The following RAB3C variants were observed in gnomAD, a reference collection of about 807,000 sequenced individuals.
RAB3C encodes the protein RAB3C, member RAS oncogene family.
A neutral mutation model predicts 26.4 loss-of-function variants in RAB3C; 17 were observed. The observed-to-expected ratio is 0.64, with a 90% CI of 0.44 to 0.97. The LOEUF (loss-of-function observed/expected upper bound fraction) is 0.97. RAB3C is among the 50% of genes least tolerant of loss of function. The probability of loss-of-function intolerance (pLI) is 0.00; values close to 1 mark genes in which losing one functional copy is unlikely to be tolerated. For synonymous variants in RAB3C, 91 were observed against 95.9 expected, an observed-to-expected ratio of 0.95 and a Z score of 0.30; for missense variants, 242 against 281.9, an observed-to-expected ratio of 0.86 and a Z score of 1.01.
At chr5:58,839,025 G>A (rs1743815206) in intron 4 of RAB3C, among the ~76,000 whole-genome samples, 1 of 150,982 alleles carries the variant, frequency 6.6e-6, no homozygotes, top group African/African-American at 2.4e-5. Flanking sequence ...AGCTATCCCT[G>A]CTTACTTTTG....
At chr5:58,652,440 G>A (rs902837778) in intron 2 of RAB3C, among the ~76,000 whole-genome samples, 6 of 151,438 alleles carry the variant, frequency 4.0e-5, no homozygotes, top group Non-Finnish European at 5.9e-5. Context: ...TTCTTAAAAT[G>A]TAATGAGTTA....
In RAB3C at chr5:58,845,612, A is replaced by ATATATATATATATATATATGTGTG; in HGVS notation, c.497-5551_497-5550insATATATATATATATATATGTGTGT. Among the ~76,000 whole-genome samples, 340 of 81,616 alleles carry ATATATATATATATATATATGTGTG rather than the reference A, an allele frequency of 4.2e-3. 7 individuals are homozygous for ATATATATATATATATATATGTGTG. The highest frequency in any genetic ancestry group is 0.017 in the African/African-American group (289 of 17,134). 53.5% of individuals were successfully genotyped at this position (81,616 alleles called of 152,430 possible). A position where few individuals can be genotyped will look rare whatever the true frequency, so the allele number is the denominator to read the frequency against. On this transcript the variant is annotated intron_variant, in intron 4 of 4. Coordinates refer to ENST00000282878, the MANE Select transcript of RAB3C (RefSeq NM_138453.4). ...ATTCTTACTATATATATATATATATATGTGTGTGTGTGTGTGTGTATATGT... is the reference window on the plus strand; with the variant it reads ...ATTCTTACTATATATATATATATATATATATATATATATATATATGTGTGTGTGTGTGTGTGTGTGTGTATATGT...
chr5:58,711,990 T>G (rs1749070538), intron 2 of RAB3C, among the ~76,000 whole-genome samples: 1 of 152,154 alleles, frequency 6.6e-6, no homozygotes, highest in South Asian at 2.1e-4. Context: ...TGGTAGAAAA[T>G]GCACAAAAGA....
intron 2 of RAB3C, among the ~76,000 whole-genome samples, chr5:58,628,156 CAAAAAAAA>C: frequency 1.4e-5 from 1 of 71,466 alleles, no homozygotes; most frequent in East Asian, 5.2e-4. Flanking sequence ...GACTCCGTCT[CAAAAAAAA>C]AAAAAAAAAA....
intron 3 of RAB3C, among the ~76,000 whole-genome samples, chr5:58,794,758 A>G (rs578146363): frequency 6.6e-6 from 1 of 152,346 alleles, no homozygotes; most frequent in African/African-American, 2.4e-5. Context: ...AGTGAGGCGC[A>G]GAGGAGTTCA....
At chr5:58,729,810 C>T (rs1349876068) in intron 3 of RAB3C, among the ~76,000 whole-genome samples, 1 of 144,002 alleles carries the variant, frequency 6.9e-6, no homozygotes, top group African/African-American at 2.5e-5. Flanking sequence ...TACACATATA[C>T]ATATACTATA....
At chr5:58,594,764 T>G (rs1746212068) in intron 1 of RAB3C, among the ~76,000 whole-genome samples, 1 of 151,998 alleles carries the variant, frequency 6.6e-6, no homozygotes, top group Non-Finnish European at 1.5e-5. Context: ...TTTAATGTTT[T>G]GATATTTTTT....
intron 4 of RAB3C, among the ~76,000 whole-genome samples, chr5:58,829,020 C>T (rs1426119338): frequency 6.6e-6 from 1 of 151,216 alleles, no homozygotes; most frequent in Non-Finnish European, 1.5e-5. Context: ...TCTCCTGCCT[C>T]AGCCTCCCAA....
intron 2 of RAB3C, among the ~76,000 whole-genome samples, chr5:58,694,382 C>T (rs1222830682): frequency 3.9e-5 from 6 of 151,992 alleles, no homozygotes; most frequent in Admixed American, 1.3e-4. Flanking sequence ...TGAATAGTGC[C>T]GCAATAAACA....
intron 2 of RAB3C, among the ~76,000 whole-genome samples, chr5:58,706,632 AT>A (rs2111888533): frequency 6.6e-6 from 1 of 152,158 alleles, no homozygotes; most frequent in African/African-American, 2.4e-5. Flanking sequence ...CCAATACCTC[AT>A]TTTTGCAACC....
rs373970752 is a variant in RAB3C at position 58,825,113 on chromosome 5, C to T, written c.447C>T (p.Asp149=). The T allele has an allele frequency of 2.5e-5, 40 of 1,613,062 alleles. No homozygotes were observed. Among genetic ancestry groups the T allele is most frequent in the East Asian group, 1.1e-4 (5 of 44,832 alleles). ...ILVGNKCDME[D]ERVISTERGQ... Reference sequence around the variant, plus strand: ...TTGGGAACAAGTGTGACATGGAAGACGAGCGGGTCATCTCAACTGAGCGAG... The same window carrying T: ...TTGGGAACAAGTGTGACATGGAAGATGAGCGGGTCATCTCAACTGAGCGAG... The change falls in exon 4 of 5, where the codon GAC becomes GAT. Residue 149 remains aspartate, a synonymous_variant. Transcript: ENST00000282878.
intron 1 of RAB3C, among the ~76,000 whole-genome samples, chr5:58,596,794 A>G (rs1168773730): frequency 2.0e-5 from 2 of 102,276 alleles, no homozygotes; most frequent in East Asian, 6.3e-4. Flanking sequence ...TATATTATAT[A>G]TAAATTTATA....
At chr5:58,623,190 A>G (rs1052826721) in intron 2 of RAB3C, among the ~76,000 whole-genome samples, 1 of 152,222 alleles carries the variant, frequency 6.6e-6, no homozygotes. Context: ...TTCTTCCTGC[A>G]CATTTCTGGA....
At chr5:58,753,403 C>T (rs1741576409) in intron 3 of RAB3C, among the ~76,000 whole-genome samples, 1 of 152,112 alleles carries the variant, frequency 6.6e-6, no homozygotes, top group Non-Finnish European at 1.5e-5. Context: ...CCAAGTAAAT[C>T]CCCCTCATTT....
At chr5:58,843,388 A>T (rs912610950) in intron 4 of RAB3C, among the ~76,000 whole-genome samples, 6 of 152,212 alleles carry the variant, frequency 3.9e-5, no homozygotes, top group Non-Finnish European at 8.8e-5. Flanking sequence ...TTTGTTGACA[A>T]TTCATAAATA....
At chr5:58,770,613 A>G (rs1742011597) in intron 3 of RAB3C, among the ~76,000 whole-genome samples, 3 of 152,162 alleles carry the variant, frequency 2.0e-5, no homozygotes, top group African/African-American at 7.2e-5. Flanking sequence ...TTATAAGAAA[A>G]TATGTTTAAT....
intron 3 of RAB3C, among the ~76,000 whole-genome samples, chr5:58,769,639 T>A (rs989764161): frequency 4.6e-5 from 7 of 152,244 alleles, no homozygotes; most frequent in Non-Finnish European, 8.8e-5. Flanking sequence ...AGATTTGGAC[T>A]TTTCATGTCT....
Position 58,587,338 on chromosome 5 carries a change from C to A in RAB3C, c.24+4106C>A, listed in dbSNP as rs567167141. Among the ~76,000 whole-genome samples, 59 of 152,184 alleles carry A rather than the reference C, an allele frequency of 3.9e-4. 2 individuals are homozygous for A. The highest frequency in any genetic ancestry group is 6.8e-3 in the Middle Eastern group (2 of 294). ...TGAAACTACTCTTGCCCACTCAACT[C>A]GCTAAATACAAGCAGCTGGGCCACC... On this transcript the variant is annotated intron_variant, in intron 1 of 4. Transcript: ENST00000282878.
intron 2 of RAB3C, among the ~76,000 whole-genome samples, chr5:58,683,787 C>T (rs991037790): frequency 1.3e-5 from 2 of 152,332 alleles, no homozygotes; most frequent in South Asian, 2.1e-4. Flanking sequence ...ACACTACCCT[C>T]CTGTTAGTAA....
Sources: gnomAD v4.1 joint callset for allele counts (sites outside exome capture counted in the v4.1 genomes callset) on GRCh38, gnomAD v4.1.1 for gene constraint, MANE v1.5 for transcripts, NCBI Gene and HGNC (gene_info 2026-07-23, HGNC 2026-07-21) for gene names.